The following GHRHR variants were observed in gnomAD, a reference collection of about 807,000 sequenced individuals.
GHRHR encodes the protein growth hormone releasing hormone receptor, also known as growth hormone-releasing hormone receptor.
A neutral mutation model predicts 58.3 loss-of-function variants in GHRHR; 40 were observed. That is an observed-to-expected ratio of 0.69 (90% CI 0.53 to 0.89). The LOEUF is 0.89. GHRHR is among the 40% of genes least tolerant of loss of function. The pLI is 0.00. For synonymous variants in GHRHR, 249 were observed against 216.6 expected (o/e 1.15, Z -1.31); for missense variants, 551 against 541.3 (o/e 1.02, Z -0.18).
Position 30,971,374 on chromosome 7 carries a change from A to G in GHRHR, c.464+158A>G, listed in dbSNP as rs573735909. Reference sequence around the variant, plus strand: ...TCCCTTTTCCCCACCATGTAGACCCATCTCTTCAAACACCAGAACTCATTC... The same window carrying G: ...TCCCTTTTCCCCACCATGTAGACCCGTCTCTTCAAACACCAGAACTCATTC... On this transcript the variant is annotated intron_variant, in intron 5 of 12. Transcript: ENST00000326139. Among the ~76,000 whole-genome samples, 5 of 152,122 alleles carry G rather than the reference A, an allele frequency of 3.3e-5. No homozygotes were observed. In the South Asian group the frequency reaches 8.3e-4, roughly 25 times the overall value.
chr7:30,974,199 G>A, intron 7 of GHRHR, 61 bp downstream of exon 7: 1 of 1,549,508 alleles, frequency 6.5e-7, no homozygotes. Flanking sequence ...GGCCCAGGGA[G>A]TTTACATAAA....
At chr7:30,966,711 C>T (rs1295896074) in intron 1 of GHRHR, among the ~76,000 whole-genome samples, 2 of 152,140 alleles carry the variant, frequency 1.3e-5, no homozygotes, top group East Asian at 3.9e-4. Context: ...GGCACAATCT[C>T]AGCTCACTGT....
intron 1 of GHRHR, among the ~76,000 whole-genome samples, chr7:30,964,459 A>G (rs1792299724): frequency 6.6e-6 from 1 of 152,106 alleles, no homozygotes; most frequent in Non-Finnish European, 1.5e-5. Flanking sequence ...ACAGTGCCTC[A>G]GAATTGGTGA....
In GHRHR at chr7:30,969,971, G is replaced by A. The variant is rs1231472040; in HGVS notation, c.366+7G>A. The A allele has an allele frequency of 2.7e-6, 3 of 1,098,472 alleles. No homozygotes were observed. The highest frequency in any genetic ancestry group is 1.4e-6 in the Non-Finnish European group (1 of 708,342). 68.0% of individuals were successfully genotyped at this position (1,098,472 alleles called of 1,614,324 possible). A position where few individuals can be genotyped will look rare whatever the true frequency, so the allele number is the denominator to read the frequency against. On this transcript the variant is annotated splice_region_variant and intron_variant, in intron 4 of 12. Transcript: ENST00000326139. ...GGAGCTGCTGGCTGAGGAGGTAAGA[G>A]TCTTCTGGCATCTTGGAGGAAGGAC...
chr7:30,971,018 T>C, intron 4 of GHRHR, 101 bp from the exon 5 acceptor site: 1 of 711,578 alleles, frequency 1.4e-6, no homozygotes, highest in Non-Finnish European at 2.6e-6. Context: ...ATGGGGAGTG[T>C]TGGGGTGGAA....
Position 30,975,834 on chromosome 7 carries a change from G to T in GHRHR, c.940G>T (p.Ala314Ser), listed in dbSNP as rs138492645. 6.6e-5 allele frequency: 106 copies of T among 1,610,560 alleles called. No homozygotes were observed. The highest frequency in any genetic ancestry group is 8.9e-5 in the Non-Finnish European group (105 of 1,176,824). The change falls in exon 10 of 13, where the codon GCT becomes TCT. Residue 314 changes from alanine (A) to serine (S), a missense_variant. Ala to Ser is a moderately conservative substitution (Grantham distance 99). Transcript: ENST00000326139. ...IRILVRKLEPAQGSLHTQSQY... is the reference protein window; with the variant it reads ...IRILVRKLEPSQGSLHTQSQY... The stretch of plus-strand genomic sequence containing the variant: ...CATCCTGGTGAGGAAACTGGAGCCA[G>T]CTCAGGGCAGCCTCCATACCCAGTC...
At chr7:30,974,318 C>A in intron 7 of GHRHR, 111 bp from the exon 8 acceptor site, 1 of 1,114,850 alleles carries the variant, frequency 9.0e-7, no homozygotes, top group Non-Finnish European at 1.4e-6. Flanking sequence ...TCCTGCCTGG[C>A]CCTGCCTTTG....
At chr7:30,964,185 A>C in intron 1 of GHRHR, 60 bp downstream of exon 1, 1 of 1,423,470 alleles carries the variant, frequency 7.0e-7, no homozygotes, top group Non-Finnish European at 9.6e-7. Flanking sequence ...TGGGAGCCAC[A>C]GGGCCAACTG....
intron 1 of GHRHR, 136 bp downstream of exon 1, chr7:30,964,261 G>T (rs1792294480): frequency 4.9e-6 from 4 of 821,762 alleles, no homozygotes; most frequent in Non-Finnish European, 8.1e-6. Context: ...CAGGTGGCAG[G>T]CTGTGGCTTG....
chr7:30,966,884 C>T (rs542880723), intron 1 of GHRHR, among the ~76,000 whole-genome samples: 1 of 152,128 alleles, frequency 6.6e-6, no homozygotes, highest in Admixed American at 6.5e-5. Context: ...TCAGGTGATC[C>T]GCCTACCTTG....
chr7:30,971,411 C>T (rs969459740), intron 5 of GHRHR, among the ~76,000 whole-genome samples, 195 bp downstream of exon 5: 2 of 152,146 alleles, frequency 1.3e-5, no homozygotes, highest in African/African-American at 4.8e-5. Context: ...TACCTCTGCC[C>T]CTTTGCTCAC....
At position 30,979,297 on chromosome 7, in the gene GHRHR, G is replaced by T. The variant is rs1792647606; in HGVS notation, c.*53G>T. On this transcript the variant is annotated 3_prime_UTR_variant, in exon 13 of 13. Coordinates refer to ENST00000326139, the MANE Select transcript of GHRHR (RefSeq NM_000823.4). ...CACTTGAATTTGGGCAGCTACCACG[G>T]GTCTGCCATGCTCTGGAGGAGCAAG... 1 of 1,587,768 alleles carries T rather than the reference G, an allele frequency of 6.3e-7. No homozygotes were observed. Among genetic ancestry groups the T allele is most frequent in the African/African-American group, 1.3e-5 (1 of 74,560 alleles).
At chr7:30,970,140 A>T (rs1003521707) in intron 4 of GHRHR, among the ~76,000 whole-genome samples, 176 bp downstream of exon 4, 1 of 152,104 alleles carries the variant, frequency 6.6e-6, no homozygotes, top group Non-Finnish European at 1.5e-5. Flanking sequence ...TAAGTTACTG[A>T]AGGGTGACCC....
chr7:30,971,971 A>G lies in GHRHR; in HGVS notation c.473A>G (p.His158Arg). 6.2e-7 allele frequency: 1 copy of G among 1,613,902 alleles called. No homozygotes were observed. Residue 158 changes from histidine (H) to arginine (R), a missense_variant, in exon 6 of 13, where the codon CAC (histidine) becomes CGC (arginine). Physicochemically the swap from His to Arg is conservative, Grantham distance 29. Coordinates refer to ENST00000326139, the MANE Select transcript of GHRHR (RefSeq NM_000823.4). The part of the protein sequence containing the change: ...ITILVALRRL[H>R]CPRNYVHTQL... ...TCTCCCATTACCCCCAGGAGGCTCC[A>G]CTGCCCCCGGAACTACGTCCACACC... is the stretch of plus-strand genomic sequence containing the variant.
intron 1 of GHRHR, among the ~76,000 whole-genome samples, chr7:30,964,544 C>T (rs1032886380): frequency 5.3e-5 from 8 of 152,334 alleles, no homozygotes; most frequent in East Asian, 1.9e-4. Flanking sequence ...TGCTTCCACA[C>T]GCTCCTGTGG....
At chr7:30,978,994 ATGACTTTTCC>A in intron 12 of GHRHR, 115 bp from the exon 13 acceptor site, 4 of 898,672 alleles carry the variant, frequency 4.5e-6, no homozygotes, top group Non-Finnish European at 7.4e-6. Flanking sequence ...GTTGCCAAGC[ATGACTTTTCC>A]TGCCCCATGT....
rs544997173 is a variant in GHRHR, at chr7:30,977,227, C to A, written c.1105-54C>A. ...AAAGGTAGCAGAAAGACGGTGGACA[C>A]CTTCAGGCCAGGCCAAAGGGTTCTG... On this transcript the variant is annotated intron_variant, in intron 11 of 12. Coordinates refer to ENST00000326139, the MANE Select transcript of GHRHR (RefSeq NM_000823.4). The A allele has an allele frequency of 7.8e-6, 12 of 1,543,962 alleles. No individual in the cohort carries two copies. The African/African-American group carries it at 1.6e-4, about 21-fold the overall frequency.
intron 1 of GHRHR, among the ~76,000 whole-genome samples, 166 bp from the exon 2 acceptor site, chr7:30,968,668 T>C (rs2128597111): frequency 8.0e-6 from 1 of 124,880 alleles, no homozygotes; most frequent in Middle Eastern, 4.6e-3. Context: ...CTTCCTTCCA[T>C]CTGAACATCT....
chr7:30,964,560 T>G (rs957196987), intron 1 of GHRHR, among the ~76,000 whole-genome samples: 1 of 152,230 alleles, frequency 6.6e-6, no homozygotes, highest in Non-Finnish European at 1.5e-5. Context: ...TGTGGTAAGC[T>G]TTCTGGACCC....
Sources: allele counts gnomAD v4.1 joint callset (sites outside exome capture counted in the v4.1 genomes callset), GRCh38; gene constraint gnomAD v4.1.1; transcripts MANE v1.5; gene names NCBI Gene and HGNC (gene_info 2026-07-23, HGNC 2026-07-21).